The following NCKAP5 variants were observed in gnomAD, a reference collection of about 807,000 sequenced individuals.
NCKAP5 encodes the protein nck-associated protein 5.
NCKAP5 carries 92 observed loss-of-function variants against 167.0 expected under a neutral mutation model. The observed-to-expected ratio is 0.55, with a 90% CI of 0.47 to 0.66. The LOEUF is 0.66. NCKAP5 is among the 30% of genes least tolerant of loss of function. NCKAP5 has a pLI of 0.00. For synonymous variants in NCKAP5, 891 were observed against 877.4 expected, an observed-to-expected ratio of 1.02 and a Z score of -0.27; for missense variants, 2,378 against 2,315.0, an observed-to-expected ratio of 1.03 and a Z score of -0.56.
At chr2:133,238,128 C>T (rs2217428) in intron 4 of NCKAP5, among the ~76,000 whole-genome samples, 15,421 of 152,222 alleles carry the variant, frequency 0.1, 885 homozygotes, top group East Asian at 0.16. Context: ...AAAGTTTCCT[C>T]ACTTTAGTTT....
chr2:132,746,299 G>A (rs540193168), intron 16 of NCKAP5, among the ~76,000 whole-genome samples: 20 of 152,026 alleles, frequency 1.3e-4, no homozygotes, highest in South Asian at 8.3e-4. Context: ...GTAATTTAAC[G>A]GAAGAAAGAT....
At chr2:133,528,626 C>A (rs1358259163) in intron 2 of NCKAP5, among the ~76,000 whole-genome samples, 2 of 152,202 alleles carry the variant, frequency 1.3e-5, no homozygotes, top group African/African-American at 2.4e-5. Flanking sequence ...CAAGCATTTT[C>A]TCATAAAGCT....
intron 3 of NCKAP5, among the ~76,000 whole-genome samples, chr2:133,496,050 AGAT>A (rs1411627175): frequency 1.3e-5 from 2 of 152,190 alleles, no homozygotes; most frequent in African/African-American, 4.8e-5. Context: ...ATGCTTTTGG[AGAT>A]GATGATGTTA....
At chr2:133,055,925 T>C (rs2079782941) in intron 6 of NCKAP5, among the ~76,000 whole-genome samples, 1 of 152,174 alleles carries the variant, frequency 6.6e-6, no homozygotes, top group African/African-American at 2.4e-5. Flanking sequence ...TGAGCTTTAA[T>C]TATGGGAACA....
At chr2:133,308,479 A>T (rs1051848171) in intron 3 of NCKAP5, among the ~76,000 whole-genome samples, 3 of 151,970 alleles carry the variant, frequency 2.0e-5, no homozygotes, top group Non-Finnish European at 4.4e-5. Context: ...CAATTTGGTG[A>T]TCCATGTTGT....
chr2:133,608,347 CT>C, the NCKAP5 span, among the ~76,000 whole-genome samples: 1 of 152,202 alleles, frequency 6.6e-6, no homozygotes, highest in Non-Finnish European at 1.5e-5. Flanking sequence ...AGGTTAGCAT[CT>C]CTTCCTACTT....
chr2:133,619,489 C>G, the NCKAP5 span, among the ~76,000 whole-genome samples: 2 of 151,510 alleles, frequency 1.3e-5, no homozygotes, highest in Admixed American at 6.6e-5. Flanking sequence ...GAAGAAAGAA[C>G]TTCAGAGCTT....
At chr2:133,236,949 A>G (rs1002676086) in intron 4 of NCKAP5, among the ~76,000 whole-genome samples, 1 of 152,110 alleles carries the variant, frequency 6.6e-6, no homozygotes, top group Non-Finnish European at 1.5e-5. Context: ...TCTCCTCTCC[A>G]TGTCAAGTTA....
At chr2:132,920,771 G>GTATGTATGTATGTGTGTATATATATATA (rs1553479343) in intron 8 of NCKAP5, among the ~76,000 whole-genome samples, 3 of 31,570 alleles carry the variant, frequency 9.5e-5, no homozygotes, top group African/African-American at 3.3e-4. Flanking sequence ...ATATATGTAT[G>GTATGTATGTATGTGTGTATATATATATA]TATATATATA....
intron 5 of NCKAP5, among the ~76,000 whole-genome samples, chr2:133,204,372 C>T (rs1034906094): frequency 6.6e-6 from 1 of 152,024 alleles, no homozygotes. Flanking sequence ...ACTGAAGACT[C>T]CCCCCCATCA....
intron 6 of NCKAP5, among the ~76,000 whole-genome samples, chr2:133,077,688 C>T (rs1559116795): frequency 6.6e-6 from 1 of 152,214 alleles, no homozygotes; most frequent in East Asian, 1.9e-4. Flanking sequence ...AGGAAGAAAG[C>T]TGTATCCAAG....
chr2:133,372,830 A>G (rs1325674578), intron 3 of NCKAP5, among the ~76,000 whole-genome samples: 2 of 152,102 alleles, frequency 1.3e-5, no homozygotes, highest in African/African-American at 4.8e-5. Context: ...TGTAACTCAG[A>G]ACTTCCTTAT....
At chr2:133,182,128 G>C (rs909883198) in intron 5 of NCKAP5, among the ~76,000 whole-genome samples, 3 of 152,026 alleles carry the variant, frequency 2.0e-5, no homozygotes, top group African/African-American at 7.2e-5. Context: ...AGAACTGAAA[G>C]GAGTAATAGA....
At chr2:132,929,049 A>T (rs1207854642) in intron 8 of NCKAP5, among the ~76,000 whole-genome samples, 2 of 152,204 alleles carry the variant, frequency 1.3e-5, no homozygotes, top group East Asian at 3.8e-4. Flanking sequence ...ATTTGATGGT[A>T]TCTGGAGGCA....
At chr2:133,123,669 C>A in intron 6 of NCKAP5, 1 of 428,916 alleles carries the variant, frequency 2.3e-6, no homozygotes, top group South Asian at 1.7e-5. Context: ...GAGAGCCAGC[C>A]TCTGAGACAG....
chr2:132,728,883 G>T lies in NCKAP5; in HGVS notation c.5513C>A (p.Ala1838Asp), dbSNP rs867819252. ...RPQTCSSFGYAEDPMASQPLP... is the reference protein window; with the variant it reads ...RPQTCSSFGYDEDPMASQPLP... ...CGGCTGGCTTGCCATTGGGTCTTCA[G>T]CATATCCGAATGATGAGCATGTCTG... Residue 1838 changes from alanine (A) to aspartate (D), a missense_variant, in exon 18 of 20, where the codon GCT becomes GAT. By Grantham distance (126) the Ala-to-Asp change is moderately radical. Around this residue, in one of 3 missense-constraint regions of NCKAP5, gnomAD observed 1,325 missense variants for 1,274.5 expected, o/e 1.04. Coordinates refer to ENST00000409261, the MANE Select transcript of NCKAP5 (RefSeq NM_207363.3). 6.2e-7 allele frequency: 1 copy of T among 1,613,966 alleles called. No individual in the cohort carries two copies. Among genetic ancestry groups the T allele is most frequent in the Non-Finnish European group, 8.5e-7 (1 of 1,179,872 alleles).
chr2:132,711,394 T>C (rs922085123), intron 19 of NCKAP5, among the ~76,000 whole-genome samples: 1 of 152,204 alleles, frequency 6.6e-6, no homozygotes, highest in Non-Finnish European at 1.5e-5. Flanking sequence ...CAAAAAGGCA[T>C]GTGGCATATG....
At chr2:133,062,497 C>T (rs1275915112) in intron 6 of NCKAP5, among the ~76,000 whole-genome samples, 2 of 152,156 alleles carry the variant, frequency 1.3e-5, no homozygotes, top group Non-Finnish European at 2.9e-5. Flanking sequence ...AATGTGAAGA[C>T]TCAGCATCAT....
chr2:133,584,467 T>A, the NCKAP5 span, among the ~76,000 whole-genome samples: 34,073 of 151,940 alleles, frequency 0.22, 4,653 homozygotes, highest in Non-Finnish European at 0.31. Context: ...TACTTTTTTT[T>A]AAAAAATGAG....
Sources: allele counts gnomAD v4.1 joint callset (sites outside exome capture counted in the v4.1 genomes callset), GRCh38; gene constraint gnomAD v4.1.1; regional missense constraint gnomAD v4.1.1; transcripts MANE v1.5; gene names NCBI Gene and HGNC (gene_info 2026-07-23, HGNC 2026-07-21).